Variants in CCDC28A observed in about 807,000 individuals in gnomAD.
CCDC28A encodes the protein coiled-coil domain-containing protein 28A.
In CCDC28A, 24 loss-of-function variants were observed where a neutral mutation model predicts 22.1. The observed-to-expected ratio is 1.09, with a 90% CI of 0.79 to 1.53. The LOEUF is 1.53. CCDC28A is among the 40% of genes most tolerant of loss of function. The pLI, the probability that CCDC28A is intolerant of heterozygous loss-of-function variation, is 0.00. For synonymous variants in CCDC28A, 83 were observed against 74.7 expected, an observed-to-expected ratio of 1.11 and a Z score of -0.57; for missense variants, 170 against 210.7, an observed-to-expected ratio of 0.81 and a Z score of 1.20.
intron 4 of CCDC28A, 57 bp downstream of exon 4, chr6:138,785,438 G>T: frequency 7.5e-7 from 1 of 1,330,312 alleles, no homozygotes; most frequent in Non-Finnish European, 1.1e-6. Context: ...GCGAAAAAAT[G>T]TACCTTTTGA....
chr6:138,779,106 A>G (rs1227854709), intron 2 of CCDC28A, among the ~76,000 whole-genome samples: 1 of 152,124 alleles, frequency 6.6e-6, no homozygotes, highest in Admixed American at 6.5e-5. Context: ...GTATGATCTG[A>G]TTTTACTTTT....
At chr6:138,786,909 T>A (rs774823778) in intron 4 of CCDC28A, among the ~76,000 whole-genome samples, 12 of 152,202 alleles carry the variant, frequency 7.9e-5, no homozygotes, top group Non-Finnish European at 1.6e-4. Context: ...AGCCACGGTG[T>A]CTGGCTTTAC....
intron 2 of CCDC28A, among the ~76,000 whole-genome samples, chr6:138,779,137 C>T (rs1338334127): frequency 2.6e-5 from 4 of 151,960 alleles, no homozygotes; most frequent in Non-Finnish European, 4.4e-5. Context: ...CTTGGCTGCC[C>T]GGTGGGGAGA....
chr6:138,788,525 C>A, intron 5 of CCDC28A, 137 bp downstream of exon 5: 3 of 391,908 alleles, frequency 7.7e-6, no homozygotes, highest in Non-Finnish European at 9.8e-6. Flanking sequence ...CTAGGGCCGT[C>A]ACTCTTCCTC....
rs1390718075 is a variant in CCDC28A at position 138,776,228 on chromosome 6, G to T, written c.108G>T (p.Gly36=). 3 of 1,614,068 alleles carry T rather than the reference G, an allele frequency of 1.9e-6. No individual in the cohort carries two copies. The highest frequency in any genetic ancestry group is 2.2e-5 in the South Asian group (2 of 91,078). ...CCATTCCAGTGAGTAAAAGCACAGG[G>T]TTTTCAAATCCTGCATCACAGTCAA... The part of the protein sequence containing the change: ...KNAIPVSKST[G]FSNPASQSTS... The change falls in exon 2 of 6, where the codon GGG becomes GGT. Residue 36 remains glycine, a synonymous_variant. Transcript: ENST00000617445.
intron 5 of CCDC28A, among the ~76,000 whole-genome samples, chr6:138,790,726 C>T (rs556058260): frequency 6.6e-6 from 1 of 152,314 alleles, no homozygotes; most frequent in East Asian, 1.9e-4. Flanking sequence ...TCTGTTAATT[C>T]AGTCTCCAAG....
intron 5 of CCDC28A, among the ~76,000 whole-genome samples, chr6:138,792,538 A>G (rs1039573376): frequency 2.6e-5 from 3 of 116,450 alleles, no homozygotes; most frequent in African/African-American, 1.1e-4. Context: ...TTAAAAAAAA[A>G]AAAGTCTTCA....
At chr6:138,787,334 C>T (rs888644318) in intron 4 of CCDC28A, among the ~76,000 whole-genome samples, 34 of 152,128 alleles carry the variant, frequency 2.2e-4, no homozygotes, top group African/African-American at 8.2e-4. Context: ...CCTCCTGTTT[C>T]ATGAACAGGA....
At chr6:138,774,042 G>T (rs2114897010) in intron 1 of CCDC28A, 140 bp downstream of exon 1, 1 of 1,029,454 alleles carries the variant, frequency 9.7e-7, no homozygotes, top group Non-Finnish European at 1.4e-6. Context: ...TGTCAAGAGG[G>T]ATGCCCAGTG....
intron 4 of CCDC28A, among the ~76,000 whole-genome samples, chr6:138,786,889 C>T (rs7746303): frequency 0.28 from 42,312 of 152,190 alleles, 6,513 homozygotes; most frequent in African/African-American, 0.41. Flanking sequence ...GTGCTGGGAT[C>T]ACAAGTGTGA....
At chr6:138,777,946 G>T (rs148354430) in intron 2 of CCDC28A, among the ~76,000 whole-genome samples, 2 of 152,036 alleles carry the variant, frequency 1.3e-5, no homozygotes, top group African/African-American at 2.4e-5. Flanking sequence ...AGTGTGGGAT[G>T]GGGGGCTTCA....
At chr6:138,776,946 A>G (rs1774942627) in intron 2 of CCDC28A, among the ~76,000 whole-genome samples, 1 of 152,230 alleles carries the variant, frequency 6.6e-6, no homozygotes, top group Admixed American at 6.5e-5. Flanking sequence ...ACCTAGAAAT[A>G]ATCATTATTA....
At chr6:138,784,871 T>C (rs1278163482) in intron 3 of CCDC28A, among the ~76,000 whole-genome samples, 1 of 152,114 alleles carries the variant, frequency 6.6e-6, no homozygotes, top group Admixed American at 6.5e-5. Flanking sequence ...TTTTTGTATT[T>C]TTAGTAGAGA....
intron 5 of CCDC28A, among the ~76,000 whole-genome samples, chr6:138,791,496 A>T (rs1412662342): frequency 6.6e-6 from 1 of 152,052 alleles, no homozygotes; most frequent in Non-Finnish European, 1.5e-5. Flanking sequence ...ATTTTTTTTA[A>T]ACCATGTCAA....
At chr6:138,783,479 C>A (rs1157994582) in intron 3 of CCDC28A, among the ~76,000 whole-genome samples, 3 of 149,788 alleles carry the variant, frequency 2.0e-5, no homozygotes. Context: ...GCTCTTTCGC[C>A]CAGGCTGGAG....
intron 5 of CCDC28A, 134 bp downstream of exon 5, chr6:138,788,522 C>A (rs1043968849): frequency 1.0e-4 from 43 of 429,402 alleles, no homozygotes; most frequent in Non-Finnish European, 7.8e-5. Context: ...TCACTAGGGC[C>A]GTCACTCTTC....
intron 2 of CCDC28A, among the ~76,000 whole-genome samples, chr6:138,778,533 A>G (rs1282890031): frequency 6.6e-6 from 1 of 152,188 alleles, no homozygotes; most frequent in Admixed American, 6.5e-5. Context: ...GGGGTTCCAA[A>G]AAGGCCTTCC....
intron 3 of CCDC28A, among the ~76,000 whole-genome samples, chr6:138,783,309 C>T (rs933797237): frequency 6.7e-6 from 1 of 148,560 alleles, no homozygotes; most frequent in Non-Finnish European, 1.5e-5. Flanking sequence ...TCTCTGTCAC[C>T]CAGGCTGGAG....
intron 3 of CCDC28A, among the ~76,000 whole-genome samples, chr6:138,783,323 A>G (rs1345760410): frequency 7.2e-6 from 1 of 139,284 alleles, no homozygotes; most frequent in Non-Finnish European, 1.5e-5. Flanking sequence ...GCTGGAGTGC[A>G]GTGGTATGAT....
Sources: allele counts gnomAD v4.1 joint callset (sites outside exome capture counted in the v4.1 genomes callset), GRCh38; gene constraint gnomAD v4.1.1; transcripts MANE v1.5; gene names NCBI Gene and HGNC (gene_info 2026-07-23, HGNC 2026-07-21).